SEC31A: variants seen among roughly 807,000 people sequenced by gnomAD.
The protein encoded by SEC31A is SEC31 homolog A, COPII component, also known as protein transport protein Sec31A.
In SEC31A, 70 loss-of-function variants were observed where a neutral mutation model predicts 151.0. The observed-to-expected ratio is 0.46, with a 90% CI of 0.38 to 0.57. The LOEUF is 0.57. Ranked by LOEUF, SEC31A falls within the 20% of genes least tolerant of loss-of-function variation. The pLI, the probability that SEC31A is intolerant of heterozygous loss-of-function variation, is 0.00. For missense variants in SEC31A, 1,330 were observed against 1,471.2 expected (o/e 0.90, Z 1.57); for synonymous variants, 475 against 505.9 (o/e 0.94, Z 0.82).
chr4:82,857,046 G>A lies in SEC31A; in HGVS notation c.1787C>T (p.Ala596Val). 6 of 1,614,008 alleles carry A rather than the reference G, an allele frequency of 3.7e-6. No individual in the cohort carries two copies. The highest frequency in any genetic ancestry group is 5.1e-6 in the Non-Finnish European group (6 of 1,179,970). Residue 596 changes from alanine (A) to valine (V), a missense_variant, in exon 16 of 27, where the codon GCC becomes GTC. By Grantham distance (64) the Ala-to-Val change is moderately conservative. Coordinates refer to ENST00000395310, the MANE Select transcript of SEC31A (RefSeq NM_001077207.4). ...TGCTATGGCCAATATAATGGCATCG[G>A]CCATGCGGTTATCATGTAAACAAAG... ...VDLCLHDNRM[A>V]DAIILAIAGG...
At chr4:82,900,556 G>A (rs186374887), upstream of SEC31A, 1 of 537,152 alleles carries the variant, frequency 1.9e-6, no homozygotes, top group Non-Finnish European at 3.3e-6. Context: ...GCGGAGGGAG[G>A]AGCGGTCAAA....
chr4:82,844,254 C>T (rs1466933487), intron 21 of SEC31A, 132 bp downstream of exon 21: 1 of 923,982 alleles, frequency 1.1e-6, no homozygotes, highest in African/African-American at 1.7e-5. Context: ...CTCTTTGTAG[C>T]AGGGACTCAG....
chr4:82,829,269 G>A (rs578000811), intron 22 of SEC31A: 71 of 471,768 alleles, frequency 1.5e-4, no homozygotes, highest in Admixed American at 3.3e-4. Flanking sequence ...TGGTAGGTAA[G>A]ATATCTTGAC....
chr4:82,844,472 C>A lies in SEC31A; in HGVS notation c.2540G>T (p.Gly847Val). 1 of 1,613,786 alleles carries A rather than the reference C, an allele frequency of 6.2e-7. No homozygotes were observed. Among genetic ancestry groups the A allele is most frequent in the East Asian group, 2.2e-5 (1 of 44,876 alleles). ...NPPPPGFIMHGNVNPNAAGQL... is the reference protein window; with the variant it reads ...NPPPPGFIMHVNVNPNAAGQL... ...ACCAGCAGCATTTGGATTAACATTT[C>A]CATGCATTATGAAACCCGGAGGTGG... Residue 847 changes from glycine to valine, a missense_variant, in exon 21 of 27, where the codon GGA becomes GTA. Transcript: ENST00000395310.
In SEC31A at chr4:82,878,615, T is replaced by G. The variant is rs555929818; in HGVS notation, c.402+115A>C. On this transcript the variant is annotated intron_variant, in intron 4 of 26. Transcript: ENST00000395310. ...TTCTTTAAACAAACACTCGTCAACCTGTATAGCCACAGTTTTTTAACTTTC... is the reference window on the plus strand; with the variant it reads ...TTCTTTAAACAAACACTCGTCAACCGGTATAGCCACAGTTTTTTAACTTTC... The G allele has an allele frequency of 6.1e-5, 48 of 791,604 alleles. No individual in the cohort carries two copies. The African/African-American group carries it at 7.6e-4, about 13-fold the overall frequency. The allele number at this position is 791,604 out of a possible 1,614,324, so 49.0% of individuals were successfully genotyped here.
chr4:82,844,914 G>GA (rs1229469898), intron 20 of SEC31A, among the ~76,000 whole-genome samples: 1 of 152,032 alleles, frequency 6.6e-6, no homozygotes, highest in Non-Finnish European at 1.5e-5. Context: ...AAAGAAAAAA[G>GA]AAAAAAAGTC....
rs373171978 is a variant in SEC31A, at chr4:82,886,093, C to CG, written c.-4-4154_-4-4153insC. Among the ~76,000 whole-genome samples, 100 of 152,304 alleles carry CG rather than the reference C, an allele frequency of 6.6e-4. 1 individual carries two copies. Among genetic ancestry groups the CG allele is most frequent in the Middle Eastern group, 3.4e-3 (1 of 294 alleles). ...AAGTTTAGCTCCAGAGTTCTTTCTA[C>CG]TTCCAACAAGTTCAGGTATTCAATT... On this transcript the variant is annotated intron_variant, in intron 1 of 26. Transcript: ENST00000395310.
chr4:82,872,054 A>G lies in SEC31A; in HGVS notation c.672T>C (p.Asp224=). ...AGGCAAGGACCATCTGAGTAGCAAC[A>G]TCAGGATGCCATGCCAACCCAGAAC... ...MHCSGLAWHP[D]VATQMVLASE... The change falls in exon 7 of 27, where the codon GAT becomes GAC. Residue 224 remains aspartate, a synonymous_variant. Coordinates refer to ENST00000395310, the MANE Select transcript of SEC31A (RefSeq NM_001077207.4). 1 of 1,614,146 alleles carries G rather than the reference A, an allele frequency of 6.2e-7. No homozygotes were observed.
intron 22 of SEC31A, among the ~76,000 whole-genome samples, chr4:82,840,638 C>A (rs1728511634): frequency 6.6e-6 from 1 of 152,120 alleles, no homozygotes; most frequent in Non-Finnish European, 1.5e-5. Flanking sequence ...TCACAGAGTG[C>A]ACTTACACAA....
intron 20 of SEC31A, among the ~76,000 whole-genome samples, chr4:82,848,153 G>C (rs763128081): frequency 6.8e-6 from 1 of 146,944 alleles, no homozygotes. Flanking sequence ...TGGAAATATG[G>C]AAGTTTCCAT....
intron 18 of SEC31A, among the ~76,000 whole-genome samples, chr4:82,853,119 G>T (rs1731812633): frequency 6.6e-6 from 1 of 152,184 alleles, no homozygotes; most frequent in African/African-American, 2.4e-5. Context: ...TGGCCTGGGG[G>T]TTGGGGACCT....
upstream of SEC31A, chr4:82,891,166 C>T: frequency 6.5e-7 from 1 of 1,535,554 alleles, no homozygotes; most frequent in Non-Finnish European, 8.7e-7. Flanking sequence ...CGCCGCCCCT[C>T]CTCCCCGGCC....
Position 82,863,406 on chromosome 4 carries a change from G to T in SEC31A, c.1435-14C>A. 1 of 1,495,272 alleles carries T rather than the reference G, an allele frequency of 6.7e-7. No homozygotes were observed. The highest frequency in any genetic ancestry group is 9.0e-7 in the Non-Finnish European group (1 of 1,111,154). The allele number at this position is 1,495,272 out of a possible 1,614,324, so 92.6% of individuals were successfully genotyped here. ...CTCAAAGTTTACCTTTAAAAAAAAA[G>T]ACATATTCTTAAAACAAAGACCTAC... On this transcript the variant is annotated splice_polypyrimidine_tract_variant and intron_variant, in intron 11 of 26. Transcript: ENST00000395310.
intron 22 of SEC31A, among the ~76,000 whole-genome samples, chr4:82,832,388 C>G (rs945644333): frequency 2.6e-5 from 4 of 152,144 alleles, no homozygotes; most frequent in African/African-American, 9.7e-5. Flanking sequence ...CCCTTCCTTA[C>G]ACCCTATATA....
rs779799342 is a variant in SEC31A, at chr4:82,844,386, G to A, written c.2626C>T (p.Pro876Ser). 1.7e-5 allele frequency: 28 copies of A among 1,613,596 alleles called. No individual in the cohort carries two copies. Among genetic ancestry groups the A allele is most frequent in the Admixed American group, 8.3e-5 (5 of 59,914 alleles). Residue 876 changes from proline (P) to serine (S), a missense_variant and splice_region_variant, in exon 21 of 27, where the codon CCT (proline) becomes TCT (serine). Physicochemically the swap from Pro to Ser is moderately conservative, Grantham distance 74. Transcript: ENST00000395310. ...TQVPPYPQPQ[P>S]YQPAQPYPFG... ...AGGACTTTGGGGTCACACTACTTAC[G>A]CTGTGGCTGTGGATAAGGTGGTACC...
At chr4:82,858,850 C>A (rs1269852062) in intron 14 of SEC31A, among the ~76,000 whole-genome samples, 5 of 151,374 alleles carry the variant, frequency 3.3e-5, no homozygotes, top group Non-Finnish European at 7.4e-5. Context: ...CTACAGGTGC[C>A]CACCACCATG....
At chr4:82,900,531 T>C in exon 1 of SEC31A, 1 of 516,244 alleles carries the variant, frequency 1.9e-6, no homozygotes, top group South Asian at 2.6e-5. Flanking sequence ...CAAAACCCAC[T>C]ATTCCGCCTC....
At chr4:82,874,560 T>C in intron 6 of SEC31A, 51 bp downstream of exon 6, 1 of 1,505,466 alleles carries the variant, frequency 6.6e-7, no homozygotes, top group Non-Finnish European at 8.9e-7. Context: ...AATATAGGAA[T>C]ACCTACAGCA....
At chr4:82,871,403 G>A (rs536240679) in intron 7 of SEC31A, 50 of 1,522,118 alleles carry the variant, frequency 3.3e-5, no homozygotes, top group Middle Eastern at 1.9e-4. Flanking sequence ...GCAGTAAGTC[G>A]TTACTTAATT....
Sources: allele counts gnomAD v4.1 joint callset (sites outside exome capture counted in the v4.1 genomes callset), GRCh38; gene constraint gnomAD v4.1.1; transcripts MANE v1.5; gene names NCBI Gene and HGNC (gene_info 2026-07-23, HGNC 2026-07-21).